The following DNM3 variants were observed in gnomAD, a reference collection of about 807,000 sequenced individuals.
DNM3 encodes the protein dynamin 3.
A neutral mutation model predicts 101.6 loss-of-function variants in DNM3; 47 were observed. The ratio of observed to expected loss-of-function variants is 0.46; its 90% CI spans 0.37 to 0.59. The LOEUF (loss-of-function observed/expected upper bound fraction) is 0.59. DNM3 is among the 20% of genes least tolerant of loss of function. The pLI, the probability that DNM3 is intolerant of heterozygous loss-of-function variation, is 0.00. For synonymous variants in DNM3, 385 were observed against 387.9 expected, an observed-to-expected ratio of 0.99 and a Z score of 0.09; for missense variants, 849 against 1,085.7, an observed-to-expected ratio of 0.78 and a Z score of 3.06.
intron 15 of DNM3, among the ~76,000 whole-genome samples, chr1:172,295,857 GA>G (rs981382960): frequency 9.9e-5 from 15 of 151,826 alleles, no homozygotes; most frequent in African/African-American, 1.5e-4. Flanking sequence ...AAAACAAATG[GA>G]AAAAAATGTA....
intron 11 of DNM3, among the ~76,000 whole-genome samples, chr1:172,069,460 G>A (rs1334872639): frequency 2.0e-5 from 3 of 152,114 alleles, no homozygotes; most frequent in Non-Finnish European, 4.4e-5. Context: ...AATGTATGTG[G>A]TTTGTAAGGA....
intron 15 of DNM3, among the ~76,000 whole-genome samples, chr1:172,266,731 TTGGAGTGTAGGTGG>T (rs1044060361): frequency 6.6e-5 from 10 of 152,222 alleles, no homozygotes; most frequent in African/African-American, 2.2e-4. Context: ...CACACCCCCC[TTGGAGTGTAGGTGG>T]GTCATCTTTC....
At chr1:172,308,007 A>C (rs2064915478) in intron 15 of DNM3, among the ~76,000 whole-genome samples, 1 of 152,106 alleles carries the variant, frequency 6.6e-6, no homozygotes, top group South Asian at 2.1e-4. Context: ...GTACCCTAGA[A>C]CTTAAAGTAT....
chr1:172,150,335 T>C lies in DNM3; in HGVS notation c.1659+19047T>C, dbSNP rs778021786. Among the ~76,000 whole-genome samples, 2 of 152,172 alleles carry C rather than the reference T, an allele frequency of 1.3e-5. 1 individual carries two copies. The highest frequency in any genetic ancestry group is 2.9e-5 in the Non-Finnish European group (2 of 68,028). ...TTTACAGGTTGCAAATGAGTATTAA[T>C]CACATATCTTTATAAACACTTATTT... On this transcript the variant is annotated intron_variant, in intron 14 of 20. Transcript: ENST00000627582.
intron 14 of DNM3, among the ~76,000 whole-genome samples, chr1:172,218,266 C>T (rs1572991467): frequency 6.6e-6 from 1 of 151,882 alleles, no homozygotes; most frequent in East Asian, 1.9e-4. Flanking sequence ...CTCTGTAGCC[C>T]AATGAGAATT....
chr1:172,277,987 G>T (rs2254810), intron 15 of DNM3, among the ~76,000 whole-genome samples: 9,291 of 152,126 alleles, frequency 0.061, 360 homozygotes, highest in African/African-American at 0.099. Flanking sequence ...CTAAAGGAAA[G>T]CATCTCTGAA....
At chr1:172,107,368 A>G (rs930047238) in intron 13 of DNM3, among the ~76,000 whole-genome samples, 3 of 151,678 alleles carry the variant, frequency 2.0e-5, no homozygotes, top group African/African-American at 7.3e-5. Flanking sequence ...AGATGGTGAA[A>G]CTCAATATAG....
chr1:172,230,504 C>T (rs2061293150), intron 14 of DNM3, among the ~76,000 whole-genome samples: 1 of 152,134 alleles, frequency 6.6e-6, no homozygotes, highest in Non-Finnish European at 1.5e-5. Context: ...CTTTGTTTAA[C>T]TACTTCATGC....
chr1:172,263,257 C>CTCTCTATTTGAGAG (rs1409498566), intron 15 of DNM3, among the ~76,000 whole-genome samples: 1 of 152,108 alleles, frequency 6.6e-6, no homozygotes, highest in Non-Finnish European at 1.5e-5. Flanking sequence ...AGAGAAATAG[C>CTCTCTATTTGAGAG]AATAATTTAT....
At chr1:172,253,518 T>TCCTCC in intron 14 of DNM3, 55 bp from the exon 15 acceptor site, 1 of 1,138,340 alleles carries the variant, frequency 8.8e-7, no homozygotes, top group Non-Finnish European at 1.2e-6. Context: ...TCCTCTCCTC[T>TCCTCC]CCTCTCCTCT....
At chr1:172,300,804 A>G (rs548535542) in intron 15 of DNM3, among the ~76,000 whole-genome samples, 1 of 152,368 alleles carries the variant, frequency 6.6e-6, no homozygotes, top group African/African-American at 2.4e-5. Context: ...TATAATAACA[A>G]TTTAAAGAGG....
intron 1 of DNM3, among the ~76,000 whole-genome samples, chr1:171,913,741 C>A (rs1244175669): frequency 1.3e-5 from 2 of 152,056 alleles, no homozygotes; most frequent in Admixed American, 1.3e-4. Context: ...TTTGTTGGAT[C>A]AGTATATTGA....
chr1:171,860,278 A>T (rs2034034815), intron 1 of DNM3, among the ~76,000 whole-genome samples: 1 of 152,178 alleles, frequency 6.6e-6, no homozygotes, highest in Non-Finnish European at 1.5e-5. Context: ...TTGGTACATG[A>T]AGCTACTTTT....
At chr1:172,316,323 G>A (rs183111508) in intron 16 of DNM3, among the ~76,000 whole-genome samples, 1 of 151,914 alleles carries the variant, frequency 6.6e-6, no homozygotes, top group African/African-American at 2.4e-5. Flanking sequence ...GGAAGGAACT[G>A]CATGAACTAC....
chr1:172,048,477 G>A (rs2049974840), intron 9 of DNM3, 135 bp from the exon 10 acceptor site: 6 of 937,670 alleles, frequency 6.4e-6, no homozygotes, highest in Non-Finnish European at 7.5e-6. Context: ...AACATTTTGG[G>A]CACTATGTAA....
intron 15 of DNM3, among the ~76,000 whole-genome samples, chr1:172,284,260 A>G (rs1352619790): frequency 6.6e-6 from 1 of 152,184 alleles, no homozygotes; most frequent in African/African-American, 2.4e-5. Flanking sequence ...TGGGTTATGA[A>G]TTATTTTCAG....
chr1:171,841,794 G>T lies in DNM3; in HGVS notation c.138G>T (p.Ser46=). The change falls in exon 1 of 21, where the codon TCG becomes TCT. Residue 46 remains serine, a synonymous_variant. Transcript: ENST00000627582. The stretch of plus-strand genomic sequence containing the variant: ...GCGGCCAGAGCGCCGGCAAGAGCTC[G>T]GTGCTCGAGAACTTCGTGGGCAGGT... ...VVGGQSAGKS[S]VLENFVGRDF... 1.2e-6 allele frequency: 2 copies of T among 1,609,526 alleles called. No individual in the cohort carries two copies. Among genetic ancestry groups the T allele is most frequent in the Non-Finnish European group, 1.7e-6 (2 of 1,179,100 alleles).
intron 4 of DNM3, among the ~76,000 whole-genome samples, chr1:172,030,283 C>G (rs1027409904): frequency 1.3e-5 from 2 of 152,104 alleles, no homozygotes; most frequent in Non-Finnish European, 2.9e-5. Flanking sequence ...CTTTGACAAA[C>G]CTGACAAAAA....
At chr1:172,247,656 C>CTTACTTTAT (rs142204811) in intron 14 of DNM3, among the ~76,000 whole-genome samples, 1 of 135,330 alleles carries the variant, frequency 7.4e-6, no homozygotes, top group South Asian at 2.4e-4. Context: ...ATTATTATTT[C>CTTACTTTAT]TTATTTATTT....
Sources: gnomAD v4.1 joint callset for allele counts (sites outside exome capture counted in the v4.1 genomes callset) on GRCh38, gnomAD v4.1.1 for gene constraint, MANE v1.5 for transcripts, NCBI Gene and HGNC (gene_info 2026-07-23, HGNC 2026-07-21) for gene names.